The following IFRD1 variants were observed in gnomAD, a reference collection of about 807,000 sequenced individuals.
The protein encoded by IFRD1 is interferon-related developmental regulator 1.
Under a neutral mutation model 52.9 loss-of-function variants are expected in IFRD1, and 35 were observed. The observed-to-expected ratio is 0.66, with a 90% CI of 0.51 to 0.88. IFRD1 has a LOEUF of 0.88. Among genes scored for constraint, IFRD1 ranks in the 40% least tolerant of loss-of-function variants. The pLI, the probability that IFRD1 is intolerant of heterozygous loss-of-function variation, is 0.00. For missense variants in IFRD1, 517 were observed against 550.8 expected (o/e 0.94, Z 0.61); for synonymous variants, 184 against 188.4 (o/e 0.98, Z 0.19).
Position 112,457,007 on chromosome 7 carries a change from A to T in IFRD1, c.378A>T (p.Leu126Phe). The change falls in exon 4 of 12, where the codon TTA (leucine) becomes TTT (phenylalanine). Residue 126 changes from leucine (L) to phenylalanine (F), a missense_variant. Leu to Phe is a conservative substitution (Grantham distance 22, BLOSUM62 0). Coordinates refer to ENST00000403825, the MANE Select transcript of IFRD1 (RefSeq NM_001550.4). ...TTATTCTGGAAAGGAGAATGACTTTAACTGATAGCATTGAACGCTGCCTGA... is the reference window on the plus strand; with the variant it reads ...TTATTCTGGAAAGGAGAATGACTTTTACTGATAGCATTGAACGCTGCCTGA... Reference protein sequence around the residue: ...YEFILERRMTLTDSIERCLKK... With the variant: ...YEFILERRMTFTDSIERCLKK... 6.2e-7 allele frequency: 1 copy of T among 1,613,990 alleles called. No homozygotes were observed. The highest frequency in any genetic ancestry group is 1.1e-5 in the South Asian group (1 of 91,080).
intron 9 of IFRD1, among the ~76,000 whole-genome samples, chr7:112,469,973 G>A (rs937547900): frequency 4.0e-5 from 6 of 149,768 alleles, no homozygotes; most frequent in Non-Finnish European, 8.9e-5. Context: ...CTGGAACCTA[G>A]CTTTTTCTGG....
chr7:112,459,092 A>G (rs1389107438), intron 5 of IFRD1, 74 bp downstream of exon 5: 2 of 1,255,196 alleles, frequency 1.6e-6, no homozygotes, highest in Non-Finnish European at 2.3e-6. Flanking sequence ...ATAGTACTGT[A>G]CCAGCTACTC....
chr7:112,441,334 T>C (rs1205158886), intron 1 of IFRD1, among the ~76,000 whole-genome samples: 3 of 151,762 alleles, frequency 2.0e-5, no homozygotes, highest in Non-Finnish European at 4.4e-5. Flanking sequence ...TGCACACCTG[T>C]AGTCCCAGCG....
chr7:112,432,032 C>T (rs140198240), intron 1 of IFRD1, among the ~76,000 whole-genome samples: 3 of 152,282 alleles, frequency 2.0e-5, no homozygotes, highest in East Asian at 1.9e-4. Context: ...TAATGCTAGA[C>T]GATATTAGTC....
rs368998693 is a variant in IFRD1 at position 112,475,395 on chromosome 7, T to A, written c.1267-35T>A. On this transcript the variant is annotated intron_variant, in intron 11 of 11. Transcript: ENST00000403825. ...CTGTTTTGTAAGAATATCTTAAGTC[T>A]TACTGATGCACGTTTTTCCTTTTTT... The A allele has an allele frequency of 1.5e-4, 180 of 1,190,852 alleles. No individual in the cohort carries two copies. In the Middle Eastern group the frequency reaches 4.2e-3, roughly 28 times the overall value. The allele number at this position is 1,190,852 out of a possible 1,614,324, so 73.8% of individuals were successfully genotyped here.
In IFRD1 at chr7:112,462,141, C is replaced by G; in HGVS notation, c.759C>G (p.Thr253=). ...TTCTTGCATGGACACTACTGCTGACCATATGCCCAATCAATGAAGTGAAGA... is the reference window on the plus strand; with the variant it reads ...TTCTTGCATGGACACTACTGCTGACGATATGCCCAATCAATGAAGTGAAGA... ...SSLLAWTLLL[T]ICPINEVKKK... The change falls in exon 7 of 12, where the codon ACC becomes ACG. Residue 253 remains threonine, a synonymous_variant. Transcript: ENST00000403825. 2 of 1,613,810 alleles carry G rather than the reference C, an allele frequency of 1.2e-6. No individual in the cohort carries two copies. The highest frequency in any genetic ancestry group is 1.7e-6 in the Non-Finnish European group (2 of 1,179,864).
chr7:112,435,067 G>T (rs1338142458), intron 1 of IFRD1, among the ~76,000 whole-genome samples: 1 of 152,190 alleles, frequency 6.6e-6, no homozygotes, highest in African/African-American at 2.4e-5. Flanking sequence ...ATTGTGCTAT[G>T]ACTAAATATT....
In IFRD1 at chr7:112,450,682, T is replaced by C. The variant is rs1451121435; in HGVS notation, c.-7T>C. 6.2e-7 allele frequency: 1 copy of C among 1,610,768 alleles called. No homozygotes were observed. The highest frequency in any genetic ancestry group is 8.5e-7 in the Non-Finnish European group (1 of 1,178,252). On this transcript the variant is annotated 5_prime_UTR_variant, in exon 1 of 12. Transcript: ENST00000403825. ...CTCCGACTCTGGGCGGCACCGGGCG[T>C]CCCACGATGCCGAAGAACAAGAAGC...
intron 9 of IFRD1, among the ~76,000 whole-genome samples, chr7:112,471,369 A>G (rs781563936): frequency 1.3e-5 from 2 of 152,098 alleles, no homozygotes; most frequent in African/African-American, 2.4e-5. Context: ...TTTCTATTAC[A>G]TTATATACTT....
At chr7:112,437,909 G>C (rs1393443969) in intron 1 of IFRD1, among the ~76,000 whole-genome samples, 1 of 152,114 alleles carries the variant, frequency 6.6e-6, no homozygotes, top group South Asian at 2.1e-4. Flanking sequence ...GATGTGAAAT[G>C]GTTTAGCATG....
chr7:112,473,291 T>C (rs1795811050), intron 11 of IFRD1, among the ~76,000 whole-genome samples: 1 of 152,206 alleles, frequency 6.6e-6, no homozygotes, highest in African/African-American at 2.4e-5. Context: ...CTTTGGAGTT[T>C]TTATGTTTAA....
intron 1 of IFRD1, among the ~76,000 whole-genome samples, chr7:112,428,195 G>A (rs1199354044): frequency 6.6e-6 from 1 of 152,350 alleles, no homozygotes; most frequent in African/African-American, 2.4e-5. Flanking sequence ...AAGCAAGGGT[G>A]TCAAGAGCTG....
chr7:112,465,569 T>C (rs1795588651), intron 8 of IFRD1, among the ~76,000 whole-genome samples: 1 of 146,988 alleles, frequency 6.8e-6, no homozygotes, highest in South Asian at 2.3e-4. Flanking sequence ...GTAAGATCTA[T>C]AACTTAATGG....
At chr7:112,455,358 G>A (rs775333730) in intron 1 of IFRD1, among the ~76,000 whole-genome samples, 8 of 151,914 alleles carry the variant, frequency 5.3e-5, no homozygotes, top group Non-Finnish European at 1.0e-4. Flanking sequence ...GGTGGTGTGC[G>A]CCTGTAATCC....
chr7:112,473,120 C>G (rs888033028), intron 11 of IFRD1, among the ~76,000 whole-genome samples: 1 of 151,510 alleles, frequency 6.6e-6, no homozygotes. Flanking sequence ...AAAAGCAAAA[C>G]AGAGAAAAGA....
intron 8 of IFRD1, among the ~76,000 whole-genome samples, chr7:112,463,851 T>TACACACAC (rs1795530827): frequency 7.4e-5 from 2 of 26,918 alleles, no homozygotes; most frequent in Admixed American, 8.3e-4. Context: ...TACACATTTA[T>TACACACAC]ATACACACAC....
Position 112,475,790 on chromosome 7 carries a change from G to A in IFRD1, c.*271G>A, listed in dbSNP as rs1328985830. 2.7e-6 allele frequency: 1 copy of A among 370,288 alleles called. No homozygotes were observed. The highest frequency in any genetic ancestry group is 4.9e-6 in the Non-Finnish European group (1 of 204,384). 22.9% of individuals were successfully genotyped at this position (370,288 alleles called of 1,614,324 possible). On this transcript the variant is annotated 3_prime_UTR_variant, in exon 12 of 12. Transcript: ENST00000403825. ...AGCAAAAGACTGATTTCATGATGGG[G>A]AAAACAATTAGCCAAAGTTTAATTT...
intron 8 of IFRD1, among the ~76,000 whole-genome samples, chr7:112,465,214 A>T (rs575758873): frequency 6.6e-6 from 1 of 152,138 alleles, no homozygotes; most frequent in Non-Finnish European, 1.5e-5. Flanking sequence ...TTTTATTTTA[A>T]TATTAGGCTT....
At chr7:112,459,959 T>C (rs1356154632) in intron 5 of IFRD1, among the ~76,000 whole-genome samples, 1 of 152,244 alleles carries the variant, frequency 6.6e-6, no homozygotes, top group East Asian at 1.9e-4. Flanking sequence ...TTCTGAAATA[T>C]TTAATTAGCT....
Sources: allele counts gnomAD v4.1 joint callset (sites outside exome capture counted in the v4.1 genomes callset), GRCh38; gene constraint gnomAD v4.1.1; transcripts MANE v1.5; gene names NCBI Gene and HGNC (gene_info 2026-07-23, HGNC 2026-07-21).